Variants in HACD4 observed in about 807,000 individuals in gnomAD.
HACD4 encodes 3-hydroxyacyl-CoA dehydratase 4.
HACD4 carries 35 observed loss-of-function variants against 33.3 expected under a neutral mutation model. That is an observed-to-expected ratio of 1.05 (90% CI 0.80 to 1.39). The LOEUF (loss-of-function observed/expected upper bound fraction) is 1.39. Among genes scored for constraint, HACD4 ranks in the 40% most tolerant of loss-of-function variants. The pLI is 0.00. For synonymous variants in HACD4, 118 were observed against 98.0 expected, an observed-to-expected ratio of 1.20 and a Z score of -1.21; for missense variants, 323 against 276.5, an observed-to-expected ratio of 1.17 and a Z score of -1.19.
intron 3 of HACD4, among the ~76,000 whole-genome samples, chr9:21,022,691 T>C (rs977814955): frequency 2.9e-4 from 43 of 149,604 alleles, no homozygotes; most frequent in African/African-American, 8.6e-4. Flanking sequence ...CCAGTTAGAA[T>C]GGCAATCATT....
At chr9:21,013,238 T>C (rs147659662) in intron 4 of HACD4, among the ~76,000 whole-genome samples, 2 of 152,174 alleles carry the variant, frequency 1.3e-5, no homozygotes, top group African/African-American at 2.4e-5. Flanking sequence ...CTTCATTTTT[T>C]TGTGTGTGTA....
chr9:21,024,368 C>T (rs1209359577), intron 3 of HACD4, among the ~76,000 whole-genome samples: 1 of 152,246 alleles, frequency 6.6e-6, no homozygotes, highest in South Asian at 2.1e-4. Context: ...TAACTGAAGA[C>T]TTAAAAATCA....
In HACD4 at chr9:21,006,935, A is replaced by G. The variant is rs1134090; in HGVS notation, c.*102T>C. 0.24 allele frequency: 183,821 copies of G among 766,412 alleles called. 24,114 individuals are homozygous for G. The highest frequency in any genetic ancestry group is 0.32 in the South Asian group (22,336 of 70,612). 47.5% of individuals were successfully genotyped at this position (766,412 alleles called of 1,614,324 possible). A position where few individuals can be genotyped will look rare whatever the true frequency, so the allele number is the denominator to read the frequency against. The stretch of plus-strand genomic sequence containing the variant: ...CAGTTATTTCATGTAATGGATTTTT[A>G]TCAAATACAAGGTATTTTTCCACCA... On this transcript the variant is annotated 3_prime_UTR_variant, in exon 7 of 7. Transcript: ENST00000495827. The surrounding 1 kb of genome is among the most constrained non-coding windows in gnomAD (Gnocchi z 4.6).
chr9:21,027,886 G>A (rs1198508864), intron 2 of HACD4, among the ~76,000 whole-genome samples: 3 of 152,190 alleles, frequency 2.0e-5, no homozygotes, highest in Non-Finnish European at 2.9e-5. Context: ...TGTAATCCCA[G>A]CACTTTGGGA....
chr9:21,007,368 T>C (rs1194738755), intron 6 of HACD4, among the ~76,000 whole-genome samples: 3 of 152,220 alleles, frequency 2.0e-5, no homozygotes, highest in Non-Finnish European at 2.9e-5. Context: ...TCTCTCCACC[T>C]TCCTCTAAAG....
At chr9:21,023,447 C>T (rs7868923) in intron 3 of HACD4, among the ~76,000 whole-genome samples, 48,000 of 152,040 alleles carry the variant, frequency 0.32, 7,764 homozygotes, top group East Asian at 0.51. Context: ...CACACCACCA[C>T]TACTTGATAT....
Position 21,029,404 on chromosome 9 carries a change from A to G in HACD4, c.39-6T>C. On this transcript the variant is annotated splice_polypyrimidine_tract_variant and splice_region_variant and intron_variant, in intron 1 of 6. Coordinates refer to ENST00000495827, the MANE Select transcript of HACD4 (RefSeq NM_001010915.5). ...GATACGCATTCTTCCTATACCTATA[A>G]ATACAGGAAAATACCATTAAACACT... The G allele has an allele frequency of 6.9e-7, 1 of 1,441,878 alleles. No homozygotes were observed. Among genetic ancestry groups the G allele is most frequent in the Non-Finnish European group, 9.7e-7 (1 of 1,035,086 alleles). 89.3% of individuals were successfully genotyped at this position (1,441,878 alleles called of 1,614,324 possible).
chr9:21,013,121 T>C (rs1842477229), intron 4 of HACD4, among the ~76,000 whole-genome samples: 1 of 152,146 alleles, frequency 6.6e-6, no homozygotes, highest in Admixed American at 6.5e-5. Flanking sequence ...TTATCTTTTT[T>C]TTCTTTTGTT....
intron 2 of HACD4, 77 bp downstream of exon 2, chr9:21,029,218 A>G: frequency 2.4e-6 from 2 of 837,022 alleles, no homozygotes; most frequent in South Asian, 3.1e-5. Context: ...TGAGGTGTGT[A>G]GAAATTTAAT....
rs1028265714 is a variant in HACD4 at position 21,000,830 on chromosome 9, T to C, written c.*6207A>G. ...TTTCTCCATAAGTAAACTTAAATAA[T>C]TGTAAGATTCTTTCTTTGGGGAAAT... On this transcript the variant is annotated 3_prime_UTR_variant, in exon 7 of 7. Transcript: ENST00000495827. 1.3e-5 allele frequency: 2 copies of C among 152,130 alleles called. No individual in the cohort carries two copies. The highest frequency in any genetic ancestry group is 2.4e-5 in the African/African-American group (1 of 41,448). The allele number at this position is 152,130 out of a possible 1,614,324, so 9.4% of individuals were successfully genotyped here.
intron 3 of HACD4, among the ~76,000 whole-genome samples, chr9:21,024,057 G>A (rs1178875716): frequency 6.6e-6 from 1 of 152,164 alleles, no homozygotes; most frequent in Admixed American, 6.5e-5. Context: ...TTAAAGCAGG[G>A]GCCTCAGCGC....
chr9:21,012,883 G>A (rs1051380035), intron 4 of HACD4, among the ~76,000 whole-genome samples: 5 of 151,918 alleles, frequency 3.3e-5, no homozygotes, highest in Admixed American at 6.6e-5. Flanking sequence ...CCTGGCCAAC[G>A]TGGCGAAACC....
chr9:21,027,645 G>A (rs1278419623), intron 2 of HACD4, among the ~76,000 whole-genome samples: 11 of 152,272 alleles, frequency 7.2e-5, no homozygotes, highest in Middle Eastern at 3.4e-3. Context: ...ACACAGCTCC[G>A]TGAAGGAAGA....
Position 21,021,492 on chromosome 9 carries a change from C to A in HACD4, c.270+5104G>T, listed in dbSNP as rs183173088. 1.6e-3 allele frequency among the ~76,000 whole-genome samples: 238 copies of A among 152,280 alleles called. 3 individuals are homozygous for A. The highest frequency in any genetic ancestry group is 4.6e-4 in the Non-Finnish European group (31 of 68,014). On this transcript the variant is annotated intron_variant, in intron 3 of 6. Transcript: ENST00000495827. Reference sequence around the variant, plus strand: ...TATTTAGAAAACCCCATCGTCTCAGCCCAAAATCTCCTTAAGCTGATAAGC... The same window carrying A: ...TATTTAGAAAACCCCATCGTCTCAGACCAAAATCTCCTTAAGCTGATAAGC...
At chr9:21,009,748 A>G (rs1004398980) in intron 5 of HACD4, among the ~76,000 whole-genome samples, 3 of 152,130 alleles carry the variant, frequency 2.0e-5, no homozygotes, top group Admixed American at 2.0e-4. Flanking sequence ...TGTGCACTAG[A>G]TCTCAAAAAT....
chr9:21,029,078 C>T (rs1367090399), intron 2 of HACD4, among the ~76,000 whole-genome samples: 2 of 152,122 alleles, frequency 1.3e-5, no homozygotes, highest in African/African-American at 4.8e-5. Flanking sequence ...TTTTTTGAGG[C>T]AAACTGCCAA....
At position 21,002,895 on chromosome 9, in the gene HACD4, A is replaced by C. The variant is rs1842188935; in HGVS notation, c.*4142T>G. ...TTAAGACAGATAGTCAAAGACATCA[A>C]CTTTGCGATTTTGGTAACATCCGAT... On this transcript the variant is annotated 3_prime_UTR_variant, in exon 7 of 7. Transcript: ENST00000495827. The C allele has an allele frequency of 6.6e-6, 1 of 152,324 alleles. No homozygotes were observed. Among genetic ancestry groups the C allele is most frequent in the South Asian group, 2.1e-4 (1 of 4,834 alleles). 9.4% of individuals were successfully genotyped at this position (152,324 alleles called of 1,614,324 possible).
At chr9:21,013,551 G>A (rs1842487628) in intron 4 of HACD4, among the ~76,000 whole-genome samples, 1 of 152,126 alleles carries the variant, frequency 6.6e-6, no homozygotes, top group East Asian at 1.9e-4. Flanking sequence ...AAGTTATCTG[G>A]GTTCTAATAG....
intron 2 of HACD4, among the ~76,000 whole-genome samples, chr9:21,029,056 GCCAT>G (rs956407899): frequency 1.3e-5 from 2 of 152,188 alleles, no homozygotes; most frequent in Non-Finnish European, 2.9e-5. Flanking sequence ...CCACCTCAGT[GCCAT>G]CCATCTCTTT....
Sources: allele counts gnomAD v4.1 joint callset (sites outside exome capture counted in the v4.1 genomes callset), GRCh38; gene constraint gnomAD v4.1.1; non-coding constraint Gnocchi (gnomAD v3.1); transcripts MANE v1.5; gene names NCBI Gene and HGNC (gene_info 2026-07-23, HGNC 2026-07-21).